The following TCF4 variants were observed in gnomAD, a reference collection of about 807,000 sequenced individuals.
TCF4 encodes transcription factor 4.
Under a neutral mutation model 82.1 loss-of-function variants are expected in TCF4, and 3 were observed. That is an observed-to-expected ratio of 0.04 (90% confidence interval 0.02 to 0.09). The LOEUF (loss-of-function observed/expected upper bound fraction) is 0.09, where lower values mean the gene tolerates loss of function less well. Ranked by LOEUF, TCF4 falls within the 10% of genes least tolerant of loss-of-function variation. The pLI is 1.00. For synonymous variants in TCF4, 276 were observed against 309.6 expected (o/e 0.89, Z 1.14); for missense variants, 518 against 852.7 (o/e 0.61, Z 4.89).
At chr18:55,442,430 C>T (rs567491184) in intron 5 of TCF4, among the ~76,000 whole-genome samples, 1 of 152,212 alleles carries the variant, frequency 6.6e-6, no homozygotes, top group East Asian at 1.9e-4. Flanking sequence ...TTAAAGACCC[C>T]AATTTGTCCA....
chr18:55,384,322 A>C (rs2145942222), intron 6 of TCF4: 1 of 152,336 alleles, frequency 6.6e-6, no homozygotes, highest in Non-Finnish European at 1.5e-5. Context: ...GGAGGTGACA[A>C]GTGCTTGGCT....
At chr18:55,459,300 A>C (rs1263745420) in intron 5 of TCF4, among the ~76,000 whole-genome samples, 1 of 152,216 alleles carries the variant, frequency 6.6e-6, no homozygotes, top group Non-Finnish European at 1.5e-5. Flanking sequence ...TTTGATTTGT[A>C]AAGCAGTTGC....
intron 6 of TCF4, among the ~76,000 whole-genome samples, chr18:55,385,808 A>G (rs941422759): frequency 9.2e-5 from 14 of 152,310 alleles, no homozygotes; most frequent in Non-Finnish European, 1.6e-4. Flanking sequence ...AATTCACAGC[A>G]AAGTTCTGCT....
At chr18:55,491,088 T>C (rs2096571082) in intron 3 of TCF4, among the ~76,000 whole-genome samples, 1 of 152,162 alleles carries the variant, frequency 6.6e-6, no homozygotes, top group East Asian at 1.9e-4. Flanking sequence ...GAGAAAACAA[T>C]GAAAACTAAT....
chr18:55,594,820 C>T (rs2097689226), intron 2 of TCF4, among the ~76,000 whole-genome samples: 1 of 152,190 alleles, frequency 6.6e-6, no homozygotes. Flanking sequence ...CCGCATATGG[C>T]AGAGCTGAGA....
intron 3 of TCF4, among the ~76,000 whole-genome samples, chr18:55,503,689 T>G (rs2096723874): frequency 6.6e-6 from 1 of 152,220 alleles, no homozygotes; most frequent in South Asian, 2.1e-4. Flanking sequence ...AACACATTCT[T>G]GGGGAACTCC....
chr18:55,347,664 C>T (rs545711861), intron 8 of TCF4, among the ~76,000 whole-genome samples: 9 of 152,254 alleles, frequency 5.9e-5, no homozygotes, highest in South Asian at 2.1e-4. Context: ...AGCCTAATGG[C>T]GGCAGAAGTC....
intron 3 of TCF4, among the ~76,000 whole-genome samples, chr18:55,565,299 C>G (rs1456494895): frequency 6.9e-6 from 1 of 145,728 alleles, no homozygotes; most frequent in Admixed American, 6.8e-5. Flanking sequence ...AACCAATGTT[C>G]AACATTAAAA....
intron 6 of TCF4, among the ~76,000 whole-genome samples, chr18:55,375,358 T>C (rs1603414352): frequency 6.6e-6 from 1 of 152,122 alleles, no homozygotes; most frequent in African/African-American, 2.4e-5. Context: ...TCTCTTTAGT[T>C]TGAACACACA....
intron 2 of TCF4, among the ~76,000 whole-genome samples, chr18:55,597,018 G>C (rs2097691633): frequency 6.6e-6 from 1 of 152,028 alleles, no homozygotes; most frequent in South Asian, 2.1e-4. Context: ...CATGAGATCT[G>C]GCTGTTTAAA....
intron 3 of TCF4, among the ~76,000 whole-genome samples, chr18:55,557,796 A>T (rs2097317310): frequency 6.6e-6 from 1 of 152,140 alleles, no homozygotes; most frequent in Non-Finnish European, 1.5e-5. Flanking sequence ...GATACAACAA[A>T]ATATAAGCAT....
intron 3 of TCF4, among the ~76,000 whole-genome samples, chr18:55,509,338 C>G (rs1037517495): frequency 1.3e-5 from 2 of 151,530 alleles, no homozygotes; most frequent in African/African-American, 2.4e-5. Context: ...CAGACAGACA[C>G]ACACACACAC....
chr18:55,328,339 C>T (rs963036964), intron 8 of TCF4, among the ~76,000 whole-genome samples: 3 of 151,778 alleles, frequency 2.0e-5, no homozygotes, highest in African/African-American at 4.8e-5. Flanking sequence ...TATTTTTCCC[C>T]AGGCCGTCAA....
chr18:55,504,238 T>C (rs1294688477), intron 3 of TCF4, among the ~76,000 whole-genome samples: 1 of 152,178 alleles, frequency 6.6e-6, no homozygotes, highest in Non-Finnish European at 1.5e-5. Context: ...TACAAAAAGA[T>C]AAGAAACGTA....
upstream of TCF4, among the ~76,000 whole-genome samples, chr18:55,590,548 C>T (rs1047657630): frequency 1.3e-5 from 2 of 152,180 alleles, no homozygotes; most frequent in South Asian, 4.1e-4. Flanking sequence ...CAAATAACGC[C>T]CACTTTACGA....
At chr18:55,498,321 G>A (rs902310290) in intron 3 of TCF4, among the ~76,000 whole-genome samples, 18 of 152,152 alleles carry the variant, frequency 1.2e-4, no homozygotes, top group Non-Finnish European at 1.2e-4. Context: ...GAGTCCCACA[G>A]CCCTACACAT....
intron 5 of TCF4, among the ~76,000 whole-genome samples, chr18:55,424,331 C>A (rs2094896647): frequency 6.6e-6 from 1 of 152,136 alleles, no homozygotes; most frequent in Non-Finnish European, 1.5e-5. Context: ...AATTCCACAG[C>A]CTTTGGCATC....
chr18:55,577,726 C>T (rs887400995), intron 3 of TCF4, among the ~76,000 whole-genome samples: 1 of 152,074 alleles, frequency 6.6e-6, no homozygotes, highest in Non-Finnish European at 1.5e-5. Flanking sequence ...AAGTACCCCC[C>T]AAAAGAATGT....
chr18:55,563,134 G>A (rs2097369703), intron 3 of TCF4, among the ~76,000 whole-genome samples: 1 of 151,430 alleles, frequency 6.6e-6, no homozygotes, highest in Non-Finnish European at 1.5e-5. Flanking sequence ...AGCTAGTTGG[G>A]AGGTTGAGGT....
Sources: allele counts gnomAD v4.1 joint callset (sites outside exome capture counted in the v4.1 genomes callset), GRCh38; gene constraint gnomAD v4.1.1; transcripts MANE v1.5; gene names NCBI Gene and HGNC (gene_info 2026-07-23, HGNC 2026-07-21).